The following ADCY10 variants were observed in gnomAD, a reference collection of about 807,000 sequenced individuals.
ADCY10 encodes the protein adenylate cyclase 10, also known as adenylate cyclase type 10.
Under a neutral mutation model 183.3 loss-of-function variants are expected in ADCY10, and 156 were observed. The observed-to-expected ratio is 0.85, with a 90% CI of 0.75 to 0.97. The LOEUF (loss-of-function observed/expected upper bound fraction) is 0.97, where lower values mean the gene tolerates loss of function less well. Among genes scored for constraint, ADCY10 ranks in the 50% least tolerant of loss-of-function variants. The pLI, the probability that ADCY10 is intolerant of heterozygous loss-of-function variation, is 0.00. For missense variants in ADCY10, 1,745 were observed against 1,934.3 expected (o/e 0.90, Z 1.84); for synonymous variants, 645 against 670.0 (o/e 0.96, Z 0.58).
intron 1 of ADCY10, among the ~76,000 whole-genome samples, chr1:167,910,776 A>T (rs1243800732): frequency 6.6e-6 from 1 of 152,206 alleles, no homozygotes; most frequent in Non-Finnish European, 1.5e-5. Context: ...AGAACTGAGC[A>T]GGGCGTAGCT....
chr1:167,873,573 ATCT>A (rs535869436), intron 13 of ADCY10, among the ~76,000 whole-genome samples: 18 of 152,280 alleles, frequency 1.2e-4, no homozygotes, highest in Non-Finnish European at 2.5e-4. Context: ...CCACAGGTCA[ATCT>A]TCTTTGGGTC....
rs141732535 is a variant in ADCY10, at chr1:167,833,015, G to A, written c.3565C>T (p.Arg1189Trp). The A allele has an allele frequency of 1.2e-5, 19 of 1,614,006 alleles. No homozygotes were observed. In the East Asian group the frequency reaches 2.0e-4, roughly 17 times the overall value. ...EKNRHFHYVN[R>W]QAQESPPPGK... ...GGAGGTGGGCTCTCTTGGGCCTGCC[G>A]ATTCACATAATGAAAGTGTCTGTTT... The change falls in exon 25 of 33, where the codon CGG becomes TGG. Residue 1189 changes from arginine to tryptophan, a missense_variant. Physicochemically the swap from Arg to Trp is moderately radical, Grantham distance 101. Transcript: ENST00000367851.
At chr1:167,883,795 A>G (rs1048830475) in intron 8 of ADCY10, among the ~76,000 whole-genome samples, 167 bp from the exon 9 acceptor site, 1 of 152,142 alleles carries the variant, frequency 6.6e-6, no homozygotes, top group South Asian at 2.1e-4. Flanking sequence ...TGGAAATATA[A>G]TCAAAATCCC....
Position 167,893,845 on chromosome 1 carries a change from G to T in ADCY10, c.828+8C>A. ...CCCCAAAGCCAGTAAATTCAATTTTGAAAATACCTGCTTCAAAATGCTTTC... is the reference window on the plus strand; with the variant it reads ...CCCCAAAGCCAGTAAATTCAATTTTTAAAATACCTGCTTCAAAATGCTTTC... On this transcript the variant is annotated splice_region_variant and intron_variant, in intron 8 of 32. Coordinates refer to ENST00000367851, the MANE Select transcript of ADCY10 (RefSeq NM_018417.6). 6.3e-7 allele frequency: 1 copy of T among 1,595,226 alleles called. No homozygotes were observed. The highest frequency in any genetic ancestry group is 1.1e-5 in the South Asian group (1 of 90,648).
intron 3 of ADCY10, 112 bp downstream of exon 3, chr1:167,903,774 TG>T: frequency 1.3e-6 from 1 of 767,756 alleles, no homozygotes; most frequent in Non-Finnish European, 2.3e-6. Flanking sequence ...ACACATTTCA[TG>T]GGGAAGAGGA....
In ADCY10 at chr1:167,846,250, G is replaced by A; in HGVS notation, c.2451C>T (p.Ile817=). ...GGGAAAGTCTCATGCTATCCAGCTG[G>A]ATCAGAGAGATTTCTGCAGGTAGAA... The part of the protein sequence containing the change: ...PPTSLKEISL[I]QLDSMRLSHQ... Residue 817 remains isoleucine (I), a synonymous_variant, in exon 20 of 33, where the codon ATC becomes ATT. Coordinates refer to ENST00000367851, the MANE Select transcript of ADCY10 (RefSeq NM_018417.6). The A allele has an allele frequency of 6.2e-7, 1 of 1,614,144 alleles. No individual in the cohort carries two copies.
At chr1:167,855,574 G>T (rs998326844) in intron 17 of ADCY10, among the ~76,000 whole-genome samples, 1 of 152,128 alleles carries the variant, frequency 6.6e-6, no homozygotes, top group African/African-American at 2.4e-5. Context: ...GTCACTGCAG[G>T]TTAAAGTGAG....
intron 21 of ADCY10, 107 bp downstream of exon 21, chr1:167,845,456 C>A: frequency 9.3e-6 from 11 of 1,176,836 alleles, no homozygotes; most frequent in Non-Finnish European, 1.2e-5. Context: ...TGTGCCCAAG[C>A]CGCTTATGAG....
In ADCY10 at chr1:167,902,035, T is replaced by C. The variant is rs1302307056; in HGVS notation, c.273A>G (p.Gly91=). ...AIVEKVLIFG[G]DILKFAGDAL... The stretch of plus-strand genomic sequence containing the variant: ...CCATACCTGCAAATTTCAGGATGTC[T>C]CCTCCAAAAATCAACACTTCTGAGA... The change falls in exon 4 of 33, where the codon GGA becomes GGG. Residue 91 remains glycine, a synonymous_variant. Transcript: ENST00000367851. 6.2e-7 allele frequency: 1 copy of C among 1,611,132 alleles called. No homozygotes were observed. Among genetic ancestry groups the C allele is most frequent in the Non-Finnish European group, 8.5e-7 (1 of 1,179,614 alleles).
intron 14 of ADCY10, 22 bp downstream of exon 14, chr1:167,870,235 A>G (rs1667001641): frequency 1.9e-6 from 3 of 1,613,870 alleles, no homozygotes; most frequent in East Asian, 4.5e-5. Flanking sequence ...TTCACACAGA[A>G]CAATCATTCC....
intron 1 of ADCY10, among the ~76,000 whole-genome samples, chr1:167,909,620 G>C (rs1670026338): frequency 6.6e-6 from 1 of 152,066 alleles, no homozygotes; most frequent in Admixed American, 6.6e-5. Context: ...GGCCCAAGAT[G>C]ATTCTTCCTC....
At chr1:167,823,323 G>T (rs1043192106) in intron 28 of ADCY10, among the ~76,000 whole-genome samples, 200 bp from the exon 29 acceptor site, 2 of 151,536 alleles carry the variant, frequency 1.3e-5, no homozygotes, top group African/African-American at 4.9e-5. Context: ...TACTTGGGAG[G>T]CTGAGGCAGG....
At chr1:167,850,382 G>T (rs929206116) in intron 18 of ADCY10, among the ~76,000 whole-genome samples, 3 of 152,120 alleles carry the variant, frequency 2.0e-5, no homozygotes, top group African/African-American at 7.2e-5. Flanking sequence ...AGTTCAATGG[G>T]CAATTGGAAA....
At chr1:167,894,415 G>C (rs1158315263) in intron 7 of ADCY10, among the ~76,000 whole-genome samples, 1 of 152,078 alleles carries the variant, frequency 6.6e-6, no homozygotes, top group Non-Finnish European at 1.5e-5. Flanking sequence ...TGCTGCCCTG[G>C]TTGCCTCCTA....
chr1:167,836,322 C>A lies in ADCY10; in HGVS notation c.3296G>T (p.Cys1099Phe). 1 of 1,612,302 alleles carries A rather than the reference C, an allele frequency of 6.2e-7. No homozygotes were observed. The change falls in exon 23 of 33, where the codon TGT (cysteine) becomes TTT (phenylalanine). Residue 1099 changes from cysteine to phenylalanine, a missense_variant. Physicochemically the swap from Cys to Phe is radical, Grantham distance 205. Coordinates refer to ENST00000367851, the MANE Select transcript of ADCY10 (RefSeq NM_018417.6). ...GAAACAGCTTACCATGTAGTTATCA[C>A]AAAAGATGAGATAAGCAGATGCAAT... ...LEIASAYLIF[C>F]DNYMAYMYLN...
In ADCY10 at chr1:167,810,774, G is replaced by C; in HGVS notation, c.4622C>G (p.Ser1541Cys). 1 of 1,614,234 alleles carries C rather than the reference G, an allele frequency of 6.2e-7. No individual in the cohort carries two copies. The highest frequency in any genetic ancestry group is 8.5e-7 in the Non-Finnish European group (1 of 1,180,044). The change falls in exon 32 of 33, where the codon TCT (serine) becomes TGT (cysteine). Residue 1541 changes from serine to cysteine, a missense_variant. By Grantham distance (112) the Ser-to-Cys change is moderately radical. Transcript: ENST00000367851. Reference sequence around the variant, plus strand: ...CTCCAGTATATTCCCCTGTGTTTCAGAGAGCCGCAAGGCTGTGTTCAGGAA... The same window carrying C: ...CTCCAGTATATTCCCCTGTGTTTCACAGAGCCGCAAGGCTGTGTTCAGGAA... ...GLFLNTALRL[S>C]ETQGNILEKC...
At chr1:167,830,288 G>A (rs1236625146) in intron 25 of ADCY10, among the ~76,000 whole-genome samples, 6 of 147,012 alleles carry the variant, frequency 4.1e-5, no homozygotes, top group Non-Finnish European at 7.5e-5. Context: ...TGTTTCTGTG[G>A]TTTTGTGTTT....
At chr1:167,828,970 C>A (rs879841000) in intron 26 of ADCY10, among the ~76,000 whole-genome samples, 6 of 151,732 alleles carry the variant, frequency 4.0e-5, no homozygotes, top group African/African-American at 7.3e-5. Flanking sequence ...TCAAAAAAAA[C>A]CAGCAAAAAT....
intron 1 of ADCY10, among the ~76,000 whole-genome samples, chr1:167,909,121 A>G (rs2102476831): frequency 6.6e-6 from 1 of 152,242 alleles, no homozygotes; most frequent in East Asian, 1.9e-4. Context: ...AACATAGATC[A>G]CCTTTGCCAG....
Sources: allele counts gnomAD v4.1 joint callset (sites outside exome capture counted in the v4.1 genomes callset), GRCh38; gene constraint gnomAD v4.1.1; transcripts MANE v1.5; gene names NCBI Gene and HGNC (gene_info 2026-07-23, HGNC 2026-07-21).